Variants in EYA4 observed in about 807,000 individuals in gnomAD.
EYA4 encodes the protein protein phosphatase EYA4.
A neutral mutation model predicts 87.9 loss-of-function variants in EYA4; 31 were observed. The observed-to-expected ratio is 0.35, with a 90% CI of 0.27 to 0.48. The LOEUF is 0.48. EYA4 is among the 20% of genes least tolerant of loss of function. EYA4 has a pLI of 0.99. For missense variants in EYA4, 678 were observed against 761.4 expected, an observed-to-expected ratio of 0.89 and a Z score of 1.29; for synonymous variants, 263 against 270.6, an observed-to-expected ratio of 0.97 and a Z score of 0.28.
intron 1 of EYA4, among the ~76,000 whole-genome samples, chr6:133,261,654 C>T (rs1303462900): frequency 3.3e-5 from 5 of 151,986 alleles, no homozygotes; most frequent in Non-Finnish European, 4.4e-5. Flanking sequence ...TAATGTAGCT[C>T]CTGGAGATCA....
At chr6:133,324,904 A>ATTTTTTTT (rs756478373) in intron 2 of EYA4, among the ~76,000 whole-genome samples, 10 of 83,574 alleles carry the variant, frequency 1.2e-4, no homozygotes, top group East Asian at 3.6e-4. Flanking sequence ...TTCAGAAGCT[A>ATTTTTTTT]TTTTTTTTTT....
chr6:133,290,802 T>G (rs569761279), intron 2 of EYA4, among the ~76,000 whole-genome samples: 1 of 152,208 alleles, frequency 6.6e-6, no homozygotes, highest in African/African-American at 2.4e-5. Context: ...AACAACACTT[T>G]GTTTTGAAAT....
intron 2 of EYA4, among the ~76,000 whole-genome samples, chr6:133,362,333 G>C (rs1375885011): frequency 3.3e-5 from 5 of 152,134 alleles, no homozygotes; most frequent in African/African-American, 1.2e-4. Context: ...ATGAGGTATT[G>C]ACTAGTCTTT....
intron 2 of EYA4, among the ~76,000 whole-genome samples, chr6:133,287,750 G>A (rs1297450856): frequency 6.6e-6 from 1 of 152,194 alleles, no homozygotes; most frequent in Non-Finnish European, 1.5e-5. Flanking sequence ...AAATTAACCA[G>A]ATGGTAGGGA....
rs1273204305 is a variant in EYA4, at chr6:133,299,945, ATC to A, written c.33+25134_33+25135del. 2.6e-3 allele frequency among the ~76,000 whole-genome samples: 349 copies of A among 135,342 alleles called. 6 individuals are homozygous for A. Among genetic ancestry groups the A allele is most frequent in the Middle Eastern group, 7.5e-3 (2 of 268 alleles). The allele number at this position is 135,342 out of a possible 152,430, so 88.8% of individuals were successfully genotyped here. On this transcript the variant is annotated intron_variant, in intron 2 of 19. Coordinates refer to ENST00000355286, the MANE Select transcript of EYA4 (RefSeq NM_004100.5). ...AAGATCTCTATCTATCTATCTATCT[ATC>A]TATCTATCTATATATATATATATCT...
chr6:133,328,459 T>C (rs1781673051), intron 2 of EYA4, among the ~76,000 whole-genome samples: 1 of 152,142 alleles, frequency 6.6e-6, no homozygotes, highest in African/African-American at 2.4e-5. Flanking sequence ...AGTAATCTTC[T>C]AACACGTAGA....
chr6:133,528,135 C>G (rs897051179), intron 19 of EYA4, among the ~76,000 whole-genome samples: 2 of 152,128 alleles, frequency 1.3e-5, no homozygotes, highest in Admixed American at 1.3e-4. Context: ...CAATTCTACG[C>G]CAGTGAAATA....
intron 11 of EYA4, among the ~76,000 whole-genome samples, chr6:133,479,332 C>T (rs1213472062): frequency 6.6e-6 from 1 of 152,170 alleles, no homozygotes; most frequent in South Asian, 2.1e-4. Context: ...CTGCTATCTA[C>T]TCTCACCGAG....
At chr6:133,245,164 A>G (rs1051551144) in intron 1 of EYA4, 5 of 152,164 alleles carry the variant, frequency 3.3e-5, no homozygotes, top group African/African-American at 9.6e-5. Context: ...TATTCACCAT[A>G]GTTCTGTATT....
chr6:133,346,204 G>T (rs1366080571), intron 2 of EYA4, among the ~76,000 whole-genome samples: 1 of 152,288 alleles, frequency 6.6e-6, no homozygotes, highest in Non-Finnish European at 1.5e-5. Flanking sequence ...TGTTCCAGAA[G>T]TATTAAAGTT....
chr6:133,480,502 A>T (rs1030574613), intron 11 of EYA4, among the ~76,000 whole-genome samples: 2 of 152,198 alleles, frequency 1.3e-5, no homozygotes, highest in African/African-American at 2.4e-5. Flanking sequence ...TCATGTTGCT[A>T]GTGTGGACTG....
rs1793929458 is a variant in EYA4, at chr6:133,456,618, G to A, written c.340G>A (p.Asp114Asn). The A allele has an allele frequency of 6.2e-7, 1 of 1,613,506 alleles. No individual in the cohort carries two copies. Among genetic ancestry groups the A allele is most frequent in the South Asian group, 1.1e-5 (1 of 91,070 alleles). The change falls in exon 6 of 20, where the codon GAT becomes AAT. Residue 114 changes from aspartate to asparagine, a missense_variant. Coordinates refer to ENST00000355286, the MANE Select transcript of EYA4 (RefSeq NM_004100.5). ...CAGTGAAACCACAGCCACGACTGGA[G>A]ATGGAGCGCTTGACACTTTTACTGG... ...NSSETTATTG[D>N]GALDTFTGSV...
rs563208631 is a variant in EYA4, at chr6:133,483,089, G to A, written c.1165G>A (p.Gly389Arg). 1.7e-5 allele frequency: 27 copies of A among 1,612,508 alleles called. No individual in the cohort carries two copies. The highest frequency in any genetic ancestry group is 2.2e-5 in the Non-Finnish European group (26 of 1,178,998). ...TIIVFHSLLTGSYAQKYGKDP... is the reference protein window; with the variant it reads ...TIIVFHSLLTRSYAQKYGKDP... ...CATTGTTTTTCACTCACTGCTCACC[G>A]GGTCTTATGCACAGAAGTATGGCAA... The change falls in exon 13 of 20, where the codon GGG (glycine) becomes AGG (arginine). Residue 389 changes from glycine (G) to arginine (R), a missense_variant. Transcript: ENST00000355286.
At chr6:133,361,398 C>T (rs1215906426) in intron 2 of EYA4, among the ~76,000 whole-genome samples, 1 of 152,130 alleles carries the variant, frequency 6.6e-6, no homozygotes, top group East Asian at 1.9e-4. Flanking sequence ...GTCATGTCAC[C>T]TTGAGGGAAC....
intron 13 of EYA4, among the ~76,000 whole-genome samples, chr6:133,491,626 A>G (rs1797161445): frequency 6.6e-6 from 1 of 152,132 alleles, no homozygotes; most frequent in Non-Finnish European, 1.5e-5. Context: ...TGAACACACC[A>G]ATAACAAGTA....
intron 2 of EYA4, among the ~76,000 whole-genome samples, chr6:133,297,530 A>T (rs867252960): frequency 2.0e-5 from 3 of 152,166 alleles, no homozygotes; most frequent in Non-Finnish European, 4.4e-5. Context: ...ATCCACTGTG[A>T]TGTGACCATC....
intron 2 of EYA4, among the ~76,000 whole-genome samples, chr6:133,367,245 C>T (rs1784920134): frequency 6.6e-6 from 1 of 152,104 alleles, no homozygotes; most frequent in African/African-American, 2.4e-5. Context: ...ATTCTTGCTG[C>T]CTACTTATGT....
At chr6:133,351,616 C>T (rs1445557769) in intron 2 of EYA4, among the ~76,000 whole-genome samples, 1 of 152,172 alleles carries the variant, frequency 6.6e-6, no homozygotes, top group Non-Finnish European at 1.5e-5. Context: ...TTCTTTGTTT[C>T]CCTTCTTTCC....
chr6:133,319,891 G>T (rs1348819398), intron 2 of EYA4, among the ~76,000 whole-genome samples: 2 of 151,416 alleles, frequency 1.3e-5, no homozygotes, highest in Admixed American at 1.3e-4. Flanking sequence ...TAATTTTTTT[G>T]TATTTTTAGT....
Sources: allele counts gnomAD v4.1 joint callset (sites outside exome capture counted in the v4.1 genomes callset), GRCh38; gene constraint gnomAD v4.1.1; transcripts MANE v1.5; gene names NCBI Gene and HGNC (gene_info 2026-07-23, HGNC 2026-07-21).